Variants in CC2D2B observed in about 807,000 individuals in gnomAD.
The protein encoded by CC2D2B is coiled-coil and C2 domain containing 2B.
A neutral mutation model predicts 161.2 loss-of-function variants in CC2D2B; 128 were observed. The ratio of observed to expected loss-of-function variants is 0.79; its 90% CI spans 0.69 to 0.92. The LOEUF is 0.92. CC2D2B is among the 40% of genes least tolerant of loss of function. CC2D2B has a pLI of 0.00. For missense variants in CC2D2B, 1,173 were observed against 1,375.1 expected, an observed-to-expected ratio of 0.85 and a Z score of 2.32; for synonymous variants, 391 against 449.8, an observed-to-expected ratio of 0.87 and a Z score of 1.65.
chr10:95,960,689 C>G (rs1204082975), intron 11 of CC2D2B, among the ~76,000 whole-genome samples: 1 of 151,946 alleles, frequency 6.6e-6, no homozygotes, highest in African/African-American at 2.4e-5. Flanking sequence ...GTTTTTGTAA[C>G]TTTTGTAGAG....
At chr10:95,960,455 G>T (rs1366474637) in intron 11 of CC2D2B, among the ~76,000 whole-genome samples, 1 of 152,156 alleles carries the variant, frequency 6.6e-6, no homozygotes, top group Non-Finnish European at 1.5e-5. Flanking sequence ...TAATTTTGTT[G>T]TGGGGGTTTT....
intron 2 of CC2D2B, chr10:95,920,843 A>T (rs2098525679): frequency 6.6e-6 from 1 of 152,204 alleles, no homozygotes; most frequent in Non-Finnish European, 1.5e-5. Context: ...ATTATCTGGG[A>T]GATAGTGCCA....
In CC2D2B at chr10:96,019,346, A is replaced by G. The variant is rs986188393; in HGVS notation, c.3765+9A>G. On this transcript the variant is annotated intron_variant, in intron 31 of 34. Coordinates refer to ENST00000646931, the MANE Select transcript of CC2D2B (RefSeq NM_001349008.3). Reference sequence around the variant, plus strand: ...TGTTTGATGATAGAAATGTAAGTATATGGGGAAAAAAAATCTTGAGTTATC... The same window carrying G: ...TGTTTGATGATAGAAATGTAAGTATGTGGGGAAAAAAAATCTTGAGTTATC... 24 of 1,601,502 alleles carry G rather than the reference A, an allele frequency of 1.5e-5. No individual in the cohort carries two copies. The highest frequency in any genetic ancestry group is 2.0e-5 in the Non-Finnish European group (23 of 1,176,318).
intron 33 of CC2D2B, among the ~76,000 whole-genome samples, chr10:96,025,155 ATATATATATATAT>A (rs1227982494): frequency 0.14 from 5,677 of 41,402 alleles, 986 homozygotes; most frequent in African/African-American, 0.4. Flanking sequence ...CTAAAAAAAA[ATATATATATATAT>A]ATATATATAT....
chr10:95,935,261 C>T (rs2075776533), intron 6 of CC2D2B, among the ~76,000 whole-genome samples: 1 of 152,188 alleles, frequency 6.6e-6, no homozygotes, highest in African/African-American at 2.4e-5. Flanking sequence ...CCTCAGATTT[C>T]CTTTTACTCA....
chr10:95,994,179 T>G (rs2078136436), intron 22 of CC2D2B, among the ~76,000 whole-genome samples: 1 of 150,118 alleles, frequency 6.7e-6, no homozygotes, highest in Non-Finnish European at 1.5e-5. Flanking sequence ...TGATATTCAT[T>G]GCATACAAGA....
intron 3 of CC2D2B, among the ~76,000 whole-genome samples, chr10:95,922,513 T>C (rs149311416): frequency 6.6e-6 from 1 of 152,342 alleles, no homozygotes; most frequent in African/African-American, 2.4e-5. Context: ...AACTAGTAAT[T>C]TTTAAATTTT....
intron 21 of CC2D2B, among the ~76,000 whole-genome samples, chr10:95,992,144 A>G (rs2077982687): frequency 6.6e-6 from 1 of 152,224 alleles, no homozygotes; most frequent in African/African-American, 2.4e-5. Flanking sequence ...GGCGGCATAT[A>G]TAACTAATTC....
chr10:95,931,777 TGAG>T (rs1235522351), intron 6 of CC2D2B, among the ~76,000 whole-genome samples: 2 of 152,338 alleles, frequency 1.3e-5, no homozygotes, highest in Admixed American at 6.5e-5. Context: ...TTGCATTTGC[TGAG>T]GAGTGTTTTA....
chr10:95,942,165 G>C (rs1391251306), intron 9 of CC2D2B, among the ~76,000 whole-genome samples: 2 of 152,080 alleles, frequency 1.3e-5, no homozygotes, highest in African/African-American at 4.8e-5. Context: ...AGGGGCTTGG[G>C]GAAGAGAGAA....
chr10:95,966,047 AT>A (rs1480157018), intron 13 of CC2D2B, 49 bp downstream of exon 13: 8 of 792,442 alleles, frequency 1.0e-5, no homozygotes, highest in Non-Finnish European at 1.4e-5. Flanking sequence ...ATAATATTTT[AT>A]TTTTTGATAG....
intron 16 of CC2D2B, among the ~76,000 whole-genome samples, chr10:95,973,317 G>C (rs965754081): frequency 2.6e-5 from 4 of 152,114 alleles, no homozygotes; most frequent in African/African-American, 4.8e-5. Flanking sequence ...AAACTCTTTG[G>C]AGATTAGATG....
intron 2 of CC2D2B, among the ~76,000 whole-genome samples, chr10:95,913,983 A>AT (rs1427011123): frequency 1.3e-5 from 2 of 151,968 alleles, no homozygotes; most frequent in African/African-American, 2.4e-5. Flanking sequence ...CCATTTGTCC[A>AT]TTTTTTGCTT....
chr10:96,014,730 A>C (rs1312352202), intron 29 of CC2D2B, among the ~76,000 whole-genome samples: 1 of 152,180 alleles, frequency 6.6e-6, no homozygotes, highest in Non-Finnish European at 1.5e-5. Flanking sequence ...AGGAAAACTT[A>C]GTTCCCTACT....
At chr10:95,944,915 G>GT (rs1451094624) in intron 9 of CC2D2B, among the ~76,000 whole-genome samples, 1 of 152,186 alleles carries the variant, frequency 6.6e-6, no homozygotes, top group Non-Finnish European at 1.5e-5. Context: ...TAAAATTCAG[G>GT]TTTTTTCAAT....
chr10:96,022,871 G>C (rs923654017), intron 32 of CC2D2B, among the ~76,000 whole-genome samples: 1 of 152,214 alleles, frequency 6.6e-6, no homozygotes, highest in Non-Finnish European at 1.5e-5. Context: ...TGAGGGAGGG[G>C]AGTTGTAGGG....
Position 95,961,878 on chromosome 10 carries a change from C to G in CC2D2B, c.1159C>G (p.Leu387Val), listed in dbSNP as rs2076773968. ...DLERGKDLSL[L>V]HSILRTWKQI... ...AGAAAGGGGAAAGGACCTCTCCCTA[C>G]TACACAGTATATTACGAACTTGGAA... Residue 387 changes from leucine to valine, a missense_variant, in exon 12 of 35, where the codon CTA becomes GTA. Physicochemically the swap from Leu to Val is conservative, Grantham distance 32. Coordinates refer to ENST00000646931, the MANE Select transcript of CC2D2B (RefSeq NM_001349008.3). 2 of 1,231,004 alleles carry G rather than the reference C, an allele frequency of 1.6e-6. No individual in the cohort carries two copies. The highest frequency in any genetic ancestry group is 3.1e-5 in the African/African-American group (2 of 64,360). The allele number at this position is 1,231,004 out of a possible 1,614,324, so 76.3% of individuals were successfully genotyped here.
At position 96,032,070 on chromosome 10, in the gene CC2D2B, C is replaced by T; in HGVS notation, c.*62C>T. 7.7e-7 allele frequency: 1 copy of T among 1,291,900 alleles called. No homozygotes were observed. The highest frequency in any genetic ancestry group is 1.1e-6 in the Non-Finnish European group (1 of 932,674). 80.0% of individuals were successfully genotyped at this position (1,291,900 alleles called of 1,614,324 possible). On this transcript the variant is annotated 3_prime_UTR_variant, in exon 35 of 35. Transcript: ENST00000646931. ...TCCTCTAGTACCAACAAAAACTTTT[C>T]TGGTACCTTGAGATTTTGCTGTTTA... is the stretch of plus-strand genomic sequence containing the variant.
At position 95,983,836 on chromosome 10, in the gene CC2D2B, T is replaced by A. The variant is rs1007692407; in HGVS notation, c.2286+27T>A. The A allele has an allele frequency of 1.9e-5, 19 of 1,014,898 alleles. No homozygotes were observed. In the African/African-American group the frequency reaches 3.2e-4, roughly 17 times the overall value. 62.9% of individuals were successfully genotyped at this position (1,014,898 alleles called of 1,614,324 possible). A position where few individuals can be genotyped will look rare whatever the true frequency, so the allele number is the denominator to read the frequency against. On this transcript the variant is annotated intron_variant, in intron 19 of 34. Coordinates refer to ENST00000646931, the MANE Select transcript of CC2D2B (RefSeq NM_001349008.3). ...TATTTGGTTTCTATTTGAATATGGCTTATTGTATGATAAAGTTAACGTTTT... is the reference window on the plus strand; with the variant it reads ...TATTTGGTTTCTATTTGAATATGGCATATTGTATGATAAAGTTAACGTTTT...
Sources: allele counts gnomAD v4.1 joint callset (sites outside exome capture counted in the v4.1 genomes callset), GRCh38; gene constraint gnomAD v4.1.1; transcripts MANE v1.5; gene names NCBI Gene and HGNC (gene_info 2026-07-23, HGNC 2026-07-21).